COL15A1: variants seen among roughly 807,000 people sequenced by gnomAD.
COL15A1 encodes collagen alpha-1(XV) chain.
In COL15A1, 111 loss-of-function variants were observed where a neutral mutation model predicts 165.9. The observed-to-expected ratio is 0.67, with a 90% CI of 0.57 to 0.78. COL15A1 has a LOEUF of 0.78. COL15A1 is among the 30% of genes least tolerant of loss of function. The pLI, the probability that COL15A1 is intolerant of heterozygous loss-of-function variation, is 0.00. For synonymous variants in COL15A1, 659 were observed against 674.8 expected (o/e 0.98, Z 0.36); for missense variants, 1,745 against 1,789.7 (o/e 0.98, Z 0.45).
At position 99,068,555 on chromosome 9, in the gene COL15A1, G is replaced by C; in HGVS notation, c.3838G>C (p.Gly1280Arg). 1 of 1,476,872 alleles carries C rather than the reference G, an allele frequency of 6.8e-7. No individual in the cohort carries two copies. The highest frequency in any genetic ancestry group is 9.1e-7 in the Non-Finnish European group (1 of 1,104,048). The allele number at this position is 1,476,872 out of a possible 1,614,324, so 91.5% of individuals were successfully genotyped here. A position where few individuals can be genotyped will look rare whatever the true frequency, so the allele number is the denominator to read the frequency against. Residue 1280 changes from glycine to arginine, a missense_variant and splice_region_variant, in exon 41 of 42, where the codon GGC (glycine) becomes CGC (arginine). By Grantham distance (125) the Gly-to-Arg change is moderately radical. Transcript: ENST00000375001. The part of the protein sequence containing the change: ...RYSLPIVNLK[G>R]QVLFNNWDSI... The stretch of plus-strand genomic sequence containing the variant: ...CTAATGTGGTATTTTGTCTCTATAG[G>C]GCCAAGTACTTTTTAATAATTGGGA...
intron 2 of COL15A1, among the ~76,000 whole-genome samples, chr9:98,962,742 G>C (rs2118805118): frequency 6.6e-6 from 1 of 152,292 alleles, no homozygotes; most frequent in South Asian, 2.1e-4. Flanking sequence ...AGGATACATG[G>C]ACATTTTCTG....
At chr9:99,012,703 CTTTTTTT>C (rs1156464062) in intron 9 of COL15A1, among the ~76,000 whole-genome samples, 2 of 99,742 alleles carry the variant, frequency 2.0e-5, no homozygotes, top group Admixed American at 1.1e-4. Flanking sequence ...GTTTCCCACC[CTTTTTTT>C]TTTTTTTTTT....
chr9:99,043,315 A>G (rs1412243267), intron 24 of COL15A1, among the ~76,000 whole-genome samples: 2 of 151,944 alleles, frequency 1.3e-5, no homozygotes, highest in African/African-American at 4.8e-5. Context: ...GCCTGTGGAG[A>G]TGGACCAGGG....
At chr9:99,060,429 ATTTTT>A (rs36003230) in intron 36 of COL15A1, among the ~76,000 whole-genome samples, 1 of 129,604 alleles carries the variant, frequency 7.7e-6, no homozygotes, top group Admixed American at 7.8e-5. Context: ...CACCTGGCTA[ATTTTT>A]TTTTTTTTTT....
At chr9:98,984,971 T>C (rs1838284472) in intron 2 of COL15A1, among the ~76,000 whole-genome samples, 2 of 152,318 alleles carry the variant, frequency 1.3e-5, no homozygotes, top group African/African-American at 2.4e-5. Context: ...TTTGTATTTT[T>C]AGTAGAGACG....
Position 99,069,711 on chromosome 9 carries a change from G to A in COL15A1, c.3992G>A (p.Gly1331Asp). Reference sequence around the variant, plus strand: ...ATTTGGCATGGCTCCAGCCCCCATGGCGTCCGCCTTGTGGATAACTACTGT... The same window carrying A: ...ATTTGGCATGGCTCCAGCCCCCATGACGTCCGCCTTGTGGATAACTACTGT... ...KVIWHGSSPHGVRLVDNYCEA... is the reference protein window; with the variant it reads ...KVIWHGSSPHDVRLVDNYCEA... Residue 1331 changes from glycine (G) to aspartate (D), a missense_variant, in exon 42 of 42, where the codon GGC becomes GAC. Transcript: ENST00000375001. The A allele has an allele frequency of 6.2e-7, 1 of 1,612,614 alleles. No homozygotes were observed. Among genetic ancestry groups the A allele is most frequent in the Non-Finnish European group, 8.5e-7 (1 of 1,178,634 alleles).
chr9:99,057,140 C>T (rs1316839928), intron 35 of COL15A1, among the ~76,000 whole-genome samples: 1 of 152,180 alleles, frequency 6.6e-6, no homozygotes, highest in East Asian at 1.9e-4. Context: ...CCGAAGGAGT[C>T]ACAACATTTC....
Position 99,035,124 on chromosome 9 carries a change from C to T in COL15A1, c.2190C>T (p.Gly730=), listed in dbSNP as rs759495827. ...CTCCTGGACCCCCTGGGCCCCCAGG[C>T]CCTGGATGCACAATGGGACTTGGAT... ...PGPPGPPGPP[G]PGCTMGLGFE... The change falls in exon 18 of 42, where the codon GGC becomes GGT. Residue 730 remains glycine, a synonymous_variant. Transcript: ENST00000375001. The T allele has an allele frequency of 6.3e-7, 1 of 1,599,756 alleles. No individual in the cohort carries two copies. The highest frequency in any genetic ancestry group is 8.5e-7 in the Non-Finnish European group (1 of 1,175,236).
At chr9:98,944,352 C>A in intron 2 of COL15A1, 102 bp downstream of exon 2, 2 of 1,186,362 alleles carry the variant, frequency 1.7e-6, no homozygotes, top group South Asian at 1.3e-5. Context: ...CATTCCTGGA[C>A]ATAAAAGGGA....
At chr9:99,009,265 G>T (rs1838810829) in intron 9 of COL15A1, among the ~76,000 whole-genome samples, 1 of 152,214 alleles carries the variant, frequency 6.6e-6, no homozygotes, top group Non-Finnish European at 1.5e-5. Context: ...AATTGACAAG[G>T]AAACTTGGTT....
chr9:99,002,065 T>C (rs1466349208), intron 7 of COL15A1, among the ~76,000 whole-genome samples: 1 of 149,646 alleles, frequency 6.7e-6, no homozygotes. Context: ...TACCCCTCCC[T>C]TCTCCATCCC....
chr9:98,992,409 C>T (rs955976504), intron 5 of COL15A1, among the ~76,000 whole-genome samples: 11 of 152,350 alleles, frequency 7.2e-5, no homozygotes, highest in Non-Finnish European at 1.0e-4. Flanking sequence ...GTGCGGGGCC[C>T]GCCGAGCCCA....
chr9:99,064,859 G>C (rs1246991698), intron 39 of COL15A1, among the ~76,000 whole-genome samples: 1 of 152,138 alleles, frequency 6.6e-6, no homozygotes, highest in Non-Finnish European at 1.5e-5. Flanking sequence ...CCCAAAGTTA[G>C]GGCAGTAGCT....
chr9:98,990,008 C>T lies in COL15A1; in HGVS notation c.804+750C>T, dbSNP rs533100710. Among the ~76,000 whole-genome samples the T allele has an allele frequency of 2.0e-5, 3 of 152,308 alleles. No individual in the cohort carries two copies. In the South Asian group the frequency reaches 6.2e-4, roughly 32 times the overall value. On this transcript the variant is annotated intron_variant, in intron 5 of 41. Coordinates refer to ENST00000375001, the MANE Select transcript of COL15A1 (RefSeq NM_001855.5). ...AGCTTCAGCCGTCTCCTTGCCTGGT[C>T]AGGCTACTTTGTAAACGTATCTCTA... is the stretch of plus-strand genomic sequence containing the variant.
intron 31 of COL15A1, 138 bp downstream of exon 31, chr9:99,052,571 G>A (rs1029221884): frequency 2.7e-6 from 2 of 737,220 alleles, no homozygotes; most frequent in East Asian, 5.0e-5. Context: ...GATGGCAGCT[G>A]AGCCAAGGCT....
chr9:99,011,455 A>AAAAGATTC (rs1838847491), intron 9 of COL15A1, among the ~76,000 whole-genome samples: 1 of 149,648 alleles, frequency 6.7e-6, no homozygotes, highest in African/African-American at 2.5e-5. Flanking sequence ...AATTTACCAT[A>AAAAGATTC]AAAGATTCTT....
At chr9:98,998,957 TCG>T (rs1838597338) in intron 6 of COL15A1, among the ~76,000 whole-genome samples, 1 of 152,176 alleles carries the variant, frequency 6.6e-6, no homozygotes, top group Admixed American at 6.5e-5. Context: ...CCTGACACCA[TCG>T]TGACCCGTGG....
rs543495309 is a variant in COL15A1 at position 98,987,605 on chromosome 9, T to C, written c.723+237T>C. 1.5e-4 allele frequency among the ~76,000 whole-genome samples: 23 copies of C among 152,336 alleles called. No individual in the cohort carries two copies. The East Asian group carries it at 4.2e-3, about 28-fold the overall frequency. On this transcript the variant is annotated intron_variant, in intron 4 of 41. Coordinates refer to ENST00000375001, the MANE Select transcript of COL15A1 (RefSeq NM_001855.5). ...TCAGGATCTTCCATGGCTGTGGCCG[T>C]CAATGGCCTGCTTTCCCGCCTTCTT...
chr9:99,004,889 T>C lies in COL15A1; in HGVS notation c.1201-9T>C. 6.2e-7 allele frequency: 1 copy of C among 1,613,964 alleles called. No individual in the cohort carries two copies. Among genetic ancestry groups the C allele is most frequent in the Non-Finnish European group, 8.5e-7 (1 of 1,179,884 alleles). ...GCACTGACGCGGTTCCTGTTGACTT[T>C]CTATTCAGGGTCCAGATAATGAAGA... On this transcript the variant is annotated splice_polypyrimidine_tract_variant and intron_variant, in intron 8 of 41. Transcript: ENST00000375001.
Sources: allele counts gnomAD v4.1 joint callset (sites outside exome capture counted in the v4.1 genomes callset), GRCh38; gene constraint gnomAD v4.1.1; transcripts MANE v1.5; gene names NCBI Gene and HGNC (gene_info 2026-07-23, HGNC 2026-07-21).